The following DYDC2 variants were observed in gnomAD, a reference collection of about 807,000 sequenced individuals.
DYDC2 encodes the protein DPY30 domain containing 2, also known as DPY30 domain-containing protein 2.
Under a neutral mutation model 18.7 loss-of-function variants are expected in DYDC2, and 19 were observed. That is an observed-to-expected ratio of 1.02 (90% CI 0.71 to 1.49). DYDC2 has a LOEUF of 1.49. DYDC2 is among the 40% of genes most tolerant of loss of function. The pLI, the probability that DYDC2 is intolerant of heterozygous loss-of-function variation, is 0.00. For synonymous variants in DYDC2, 63 were observed against 67.6 expected (o/e 0.93, Z 0.34); for missense variants, 179 against 205.1 (o/e 0.87, Z 0.78).
At chr10:80,366,026 C>CTTTTT (rs1843824686) in intron 4 of DYDC2, among the ~76,000 whole-genome samples, 1 of 106,214 alleles carries the variant, frequency 9.4e-6, no homozygotes, top group African/African-American at 4.4e-5. Flanking sequence ...CTTTTTCTTT[C>CTTTTT]TCTTTTTTTT....
chr10:80,357,617 C>CA (rs1272305879), intron 1 of DYDC2, among the ~76,000 whole-genome samples: 1 of 152,124 alleles, frequency 6.6e-6, no homozygotes, highest in East Asian at 1.9e-4. Context: ...CTGCTTGGTT[C>CA]CTTTCAGAAC....
chr10:80,365,395 G>C (rs1843796248), intron 4 of DYDC2, among the ~76,000 whole-genome samples: 1 of 152,200 alleles, frequency 6.6e-6, no homozygotes, highest in Non-Finnish European at 1.5e-5. Context: ...GCAGCTTTAA[G>C]TAAACCATAA....
chr10:80,362,713 A>G lies in DYDC2; in HGVS notation c.147+123A>G, dbSNP rs190636242. On this transcript the variant is annotated intron_variant, in intron 3 of 4. Transcript: ENST00000256039. ...TTCTTGGTTTATTTGACTTGCTCTT[A>G]GAGCCAGATATCCCTGAAGCATGGG... The G allele has an allele frequency of 6.2e-6, 9 of 1,445,992 alleles. No homozygotes were observed. In the South Asian group the frequency reaches 1.0e-4, roughly 16 times the overall value. 89.6% of individuals were successfully genotyped at this position (1,445,992 alleles called of 1,614,324 possible). A position where few individuals can be genotyped will look rare whatever the true frequency, so the allele number is the denominator to read the frequency against.
At chr10:80,361,575 T>A (rs924228411) in intron 2 of DYDC2, among the ~76,000 whole-genome samples, 3 of 152,244 alleles carry the variant, frequency 2.0e-5, no homozygotes, top group African/African-American at 7.2e-5. Flanking sequence ...GGCAGTTTTT[T>A]AAAACTCCAT....
At chr10:80,366,028 CTTTTTTTTTT>C (rs770351822) in intron 4 of DYDC2, among the ~76,000 whole-genome samples, 12 of 90,338 alleles carry the variant, frequency 1.3e-4, no homozygotes, top group East Asian at 1.2e-3. Flanking sequence ...TTTTCTTTCT[CTTTTTTTTTT>C]TTTTTTTTTT....
At chr10:80,352,794 A>G (rs1719557202), upstream of DYDC2, 12 of 609,968 alleles carry the variant, frequency 2.0e-5, no homozygotes, top group Non-Finnish European at 2.6e-5. Flanking sequence ...AAGGGCTCCA[A>G]GGAAGTCACT....
In DYDC2 at chr10:80,366,898, T is replaced by C. The variant is rs1187832823; in HGVS notation, c.481T>C (p.Phe161Leu). 1 of 1,614,068 alleles carries C rather than the reference T, an allele frequency of 6.2e-7. No homozygotes were observed. Among genetic ancestry groups the C allele is most frequent in the Non-Finnish European group, 8.5e-7 (1 of 1,179,956 alleles). ...ACAAGAAATAAATTACAAGGAGGCTTTTCAGCATGAAGTTGCTCATGAAAT... is the reference window on the plus strand; with the variant it reads ...ACAAGAAATAAATTACAAGGAGGCTCTTCAGCATGAAGTTGCTCATGAAAT... ...MPQEINYKEA[F>L]QHEVAHEMPP... The change falls in exon 5 of 5, where the codon TTT becomes CTT. Residue 161 changes from phenylalanine (F) to leucine (L), a missense_variant. Coordinates refer to ENST00000256039, the MANE Select transcript of DYDC2 (RefSeq NM_032372.6).
upstream of DYDC2, chr10:80,351,906 G>C: frequency 3.7e-6 from 6 of 1,614,046 alleles, no homozygotes; most frequent in Non-Finnish European, 5.1e-6. Context: ...CTCACCTGCT[G>C]AAGTAAGAGC....
chr10:80,348,115 C>A (rs1422506659), intron 1 of DYDC2, among the ~76,000 whole-genome samples: 1 of 152,126 alleles, frequency 6.6e-6, no homozygotes, highest in Non-Finnish European at 1.5e-5. Flanking sequence ...TTATTTGTGT[C>A]TTCCTCAATT....
In DYDC2 at chr10:80,366,028, C is replaced by CTTTTT. The variant is rs770351822; in HGVS notation, c.271-642_271-638dup. ...GTCATTTTGGGACCTTTTTCTTTCT[C>CTTTTT]TTTTTTTTTTTTTTTTTTTTTTGAG... is the stretch of plus-strand genomic sequence containing the variant. On this transcript the variant is annotated intron_variant, in intron 4 of 4. Coordinates refer to ENST00000256039, the MANE Select transcript of DYDC2 (RefSeq NM_032372.6). Among the ~76,000 whole-genome samples, 158 of 90,312 alleles carry CTTTTT rather than the reference C, an allele frequency of 1.7e-3. 1 individual carries two copies. The highest frequency in any genetic ancestry group is 4.6e-3 in the African/African-American group (117 of 25,280). The allele number at this position is 90,312 out of a possible 152,430, so 59.2% of individuals were successfully genotyped here. A position where few individuals can be genotyped will look rare whatever the true frequency, so the allele number is the denominator to read the frequency against.
At chr10:80,352,456 A>C (rs768522976), upstream of DYDC2, 16 of 1,597,482 alleles carry the variant, frequency 1.0e-5, no homozygotes, top group Non-Finnish European at 1.4e-5. Flanking sequence ...CCTACTTACC[A>C]GTTGTTCCAT....
upstream of DYDC2, chr10:80,356,445 C>T: frequency 4.1e-6 from 4 of 985,326 alleles, no homozygotes; most frequent in Non-Finnish European, 4.8e-6. Flanking sequence ...CTGGCAACCT[C>T]CCGGGGCGCT....
At chr10:80,350,707 T>C (rs1842930281) in intron 1 of DYDC2, among the ~76,000 whole-genome samples, 2 of 152,198 alleles carry the variant, frequency 1.3e-5, no homozygotes, top group African/African-American at 2.4e-5. Context: ...TTCTTTCCCC[T>C]TTTTAAATAT....
chr10:80,363,372 T>G, intron 4 of DYDC2, among the ~76,000 whole-genome samples: 1 of 130,688 alleles, frequency 7.7e-6, no homozygotes, highest in African/African-American at 3.0e-5. Flanking sequence ...TGAGATGGAG[T>G]CTCGCTCTGT....
intron 1 of DYDC2, among the ~76,000 whole-genome samples, chr10:80,346,002 C>T (rs867703804): frequency 6.6e-6 from 1 of 152,160 alleles, no homozygotes; most frequent in East Asian, 1.9e-4. Context: ...CCATCATCAT[C>T]ATGCCTGGAT....
chr10:80,355,141 CT>C (rs1843282671), upstream of DYDC2, among the ~76,000 whole-genome samples: 3 of 151,216 alleles, frequency 2.0e-5, no homozygotes, highest in South Asian at 6.3e-4. Flanking sequence ...AGAGAAGAGT[CT>C]TCTAGGTATG....
chr10:80,355,058 T>C (rs1232147540), upstream of DYDC2, among the ~76,000 whole-genome samples: 2 of 150,708 alleles, frequency 1.3e-5, no homozygotes, highest in Non-Finnish European at 3.0e-5. Flanking sequence ...AAAAAAAGCT[T>C]CTTTGGGGGT....
intron 4 of DYDC2, among the ~76,000 whole-genome samples, chr10:80,363,758 A>T (rs1368364654): frequency 6.6e-6 from 1 of 152,084 alleles, no homozygotes; most frequent in Non-Finnish European, 1.5e-5. Flanking sequence ...ACCAAATATG[A>T]TTGTTATCAG....
chr10:80,366,124 C>T (rs1166155692), intron 4 of DYDC2, among the ~76,000 whole-genome samples: 2 of 105,482 alleles, frequency 1.9e-5, no homozygotes, highest in African/African-American at 8.2e-5. Flanking sequence ...CCTCTGCCTC[C>T]CCGGTTCAAG....
Sources: allele counts gnomAD v4.1 joint callset (sites outside exome capture counted in the v4.1 genomes callset), GRCh38; gene constraint gnomAD v4.1.1; transcripts MANE v1.5; gene names NCBI Gene and HGNC (gene_info 2026-07-23, HGNC 2026-07-21).